Variants in RPIA observed in about 807,000 individuals in gnomAD.
RPIA encodes ribose 5-phosphate isomerase A.
In RPIA, 29 loss-of-function variants were observed where a neutral mutation model predicts 37.8. That is an observed-to-expected ratio of 0.77 (90% CI 0.57 to 1.05). The LOEUF is 1.05. RPIA is among the 50% of genes least tolerant of loss of function. The pLI, the probability that RPIA is intolerant of heterozygous loss-of-function variation, is 0.00. For synonymous variants in RPIA, 167 were observed against 157.0 expected, an observed-to-expected ratio of 1.06 and a Z score of -0.48; for missense variants, 385 against 413.6, an observed-to-expected ratio of 0.93 and a Z score of 0.60.
intron 1 of RPIA, among the ~76,000 whole-genome samples, chr2:88,692,448 C>G (rs920096894): frequency 6.6e-6 from 1 of 152,166 alleles, no homozygotes; most frequent in Admixed American, 6.5e-5. Context: ...TTGGTGCGCG[C>G]CGGCCCCTGA....
chr2:88,737,678 G>A (rs1290046226), intron 7 of RPIA, among the ~76,000 whole-genome samples: 2 of 152,102 alleles, frequency 1.3e-5, no homozygotes, highest in African/African-American at 2.4e-5. Context: ...TAGGAATGTG[G>A]TGATAATTGT....
chr2:88,743,974 T>G (rs1000880172), intron 8 of RPIA, among the ~76,000 whole-genome samples: 1 of 152,178 alleles, frequency 6.6e-6, no homozygotes, highest in African/African-American at 2.4e-5. Flanking sequence ...TTTGTTTCAT[T>G]TATCTTTTTT....
chr2:88,693,611 G>A (rs1676974274), intron 1 of RPIA, among the ~76,000 whole-genome samples: 1 of 152,228 alleles, frequency 6.6e-6, no homozygotes, highest in Non-Finnish European at 1.5e-5. Flanking sequence ...GTAAGCTCCT[G>A]GAGGGTAGTT....
In RPIA at chr2:88,750,027, C is replaced by CT; in HGVS notation, c.888dup (p.Gly297TrpfsTer74). The CT allele has an allele frequency of 6.2e-7, 1 of 1,613,402 alleles. No individual in the cohort carries two copies. Among genetic ancestry groups the CT allele is most frequent in the Non-Finnish European group, 8.5e-7 (1 of 1,179,598 alleles). On this transcript the variant is annotated frameshift_variant, in exon 9 of 9. Coordinates refer to ENST00000283646, the MANE Select transcript of RPIA (RefSeq NM_144563.3). LOFTEE classifies it high-confidence loss of function. ...TCATCAACATGGCTGAGAGAGTCTA[C>CT]TTTGGGATGCAGGATGGCTCAGTGA...
chr2:88,745,000 C>G (rs1447322142), intron 8 of RPIA, among the ~76,000 whole-genome samples: 2 of 152,214 alleles, frequency 1.3e-5, no homozygotes, highest in Middle Eastern at 3.4e-3. Context: ...TCTTGTTGCC[C>G]AGGCTGGAGT....
intron 3 of RPIA, among the ~76,000 whole-genome samples, chr2:88,702,602 A>C (rs561968107): frequency 1.3e-5 from 2 of 152,098 alleles, no homozygotes; most frequent in African/African-American, 4.8e-5. Context: ...GGAGGAAACC[A>C]CGCTCATGAT....
chr2:88,734,684 T>C, intron 5 of RPIA, 68 bp downstream of exon 5: 1 of 1,516,204 alleles, frequency 6.6e-7, no homozygotes, highest in Admixed American at 1.7e-5. Context: ...GCAAGATGGA[T>C]ACAGAATAAA....
chr2:88,726,124 G>A (rs532938123), intron 3 of RPIA, among the ~76,000 whole-genome samples: 16 of 152,264 alleles, frequency 1.1e-4, no homozygotes, highest in African/African-American at 1.2e-4. Flanking sequence ...GGGGTATGCA[G>A]GGGAATCACA....
intron 3 of RPIA, among the ~76,000 whole-genome samples, chr2:88,718,795 A>G (rs1673067800): frequency 6.6e-6 from 1 of 152,234 alleles, no homozygotes; most frequent in Non-Finnish European, 1.5e-5. Flanking sequence ...CCCAAGTTTT[A>G]TAGAAATCAG....
chr2:88,750,222 A>G lies in RPIA; in HGVS notation c.*144A>G, dbSNP rs1041194642. 3 of 654,388 alleles carry G rather than the reference A, an allele frequency of 4.6e-6. No homozygotes were observed. Among genetic ancestry groups the G allele is most frequent in the Non-Finnish European group, 8.5e-6 (3 of 353,056 alleles). The allele number at this position is 654,388 out of a possible 1,614,324, so 40.5% of individuals were successfully genotyped here. On this transcript the variant is annotated 3_prime_UTR_variant, in exon 9 of 9. Coordinates refer to ENST00000283646, the MANE Select transcript of RPIA (RefSeq NM_144563.3). Reference sequence around the variant, plus strand: ...GGGGGGAAGAGTGGGAGGGGGAGTTAAATCCAGTCTTATGAAGTATTGTTA... The same window carrying G: ...GGGGGGAAGAGTGGGAGGGGGAGTTGAATCCAGTCTTATGAAGTATTGTTA...
chr2:88,692,053 G>C, intron 1 of RPIA, 70 bp downstream of exon 1: 1 of 1,509,450 alleles, frequency 6.6e-7, no homozygotes, highest in Non-Finnish European at 8.9e-7. Flanking sequence ...GCGCGTTGTG[G>C]GTGCTGCCGG....
intron 3 of RPIA, among the ~76,000 whole-genome samples, chr2:88,702,066 C>T (rs1298746805): frequency 6.6e-6 from 1 of 152,132 alleles, no homozygotes; most frequent in African/African-American, 2.4e-5. Flanking sequence ...TTTATGATAT[C>T]TTTGCATTTA....
intron 3 of RPIA, among the ~76,000 whole-genome samples, chr2:88,714,869 G>C (rs1673012520): frequency 6.6e-6 from 1 of 152,172 alleles, no homozygotes; most frequent in East Asian, 1.9e-4. Context: ...TCACTGATAG[G>C]GTACCCTTGT....
At chr2:88,745,458 G>A (rs563681637) in intron 8 of RPIA, among the ~76,000 whole-genome samples, 78 of 152,290 alleles carry the variant, frequency 5.1e-4, no homozygotes, top group African/African-American at 1.8e-3. Context: ...AGCATTTCTT[G>A]TAGGACTGGC....
At chr2:88,715,727 C>G (rs777298625) in intron 3 of RPIA, among the ~76,000 whole-genome samples, 1 of 152,130 alleles carries the variant, frequency 6.6e-6, no homozygotes. Context: ...TAGTACTGGC[C>G]TAGGTTTTTT....
intron 3 of RPIA, among the ~76,000 whole-genome samples, chr2:88,726,627 G>A (rs1187465292): frequency 1.3e-5 from 2 of 152,212 alleles, no homozygotes; most frequent in East Asian, 3.9e-4. Context: ...TATTTTATAA[G>A]TATATGGTAG....
intron 4 of RPIA, among the ~76,000 whole-genome samples, chr2:88,732,759 A>AAAAAAAAAAAAT (rs1558698018): frequency 8.4e-5 from 1 of 11,842 alleles, no homozygotes; most frequent in East Asian, 8.4e-4. Flanking sequence ...AAAAAAAAAA[A>AAAAAAAAAAAAT]AAAAAAGAAA....
Position 88,691,687 on chromosome 2 carries a change from C to T in RPIA, c.-12C>T. ...GGCGGGACTTCAGCGGAGGCCGGAG[C>T]GAGGCGTCGGGATGCAGCGCCCCGG... On this transcript the variant is annotated 5_prime_UTR_variant, in exon 1 of 9. Transcript: ENST00000283646. 3.8e-6 allele frequency: 6 copies of T among 1,567,828 alleles called. No individual in the cohort carries two copies. The highest frequency in any genetic ancestry group is 4.3e-6 in the Non-Finnish European group (5 of 1,165,888).
intron 1 of RPIA, among the ~76,000 whole-genome samples, chr2:88,697,624 T>G (rs973092157): frequency 1.3e-5 from 2 of 152,216 alleles, no homozygotes; most frequent in Non-Finnish European, 2.9e-5. Context: ...TTGTTTGGTC[T>G]GCTTGTAGGT....
Sources: gnomAD v4.1 joint callset for allele counts (sites outside exome capture counted in the v4.1 genomes callset) on GRCh38, gnomAD v4.1.1 for gene constraint, MANE v1.5 for transcripts, NCBI Gene and HGNC (gene_info 2026-07-23, HGNC 2026-07-21) for gene names.